VSIG10: variants seen among roughly 807,000 people sequenced by gnomAD.
VSIG10 encodes the protein V-set and immunoglobulin domain containing 10.
VSIG10 carries 48 observed loss-of-function variants against 58.7 expected under a neutral mutation model. The ratio of observed to expected loss-of-function variants is 0.82; its 90% CI spans 0.65 to 1.04. The LOEUF is 1.04. Among genes scored for constraint, VSIG10 ranks in the 50% least tolerant of loss-of-function variants. VSIG10 has a pLI of 0.00. For missense variants in VSIG10, 628 were observed against 670.0 expected (o/e 0.94, Z 0.69); for synonymous variants, 260 against 267.1 (o/e 0.97, Z 0.26).
At chr12:118,085,852 C>CA (rs1255347303) in intron 2 of VSIG10, among the ~76,000 whole-genome samples, 585 of 47,672 alleles carry the variant, frequency 0.012, 4 homozygotes, top group Non-Finnish European at 0.011. Flanking sequence ...GACTTCGTCT[C>CA]AAAAAAAAAA....
At chr12:118,102,162 GCAGT>G (rs2033638881) in intron 1 of VSIG10, 1 of 152,210 alleles carries the variant, frequency 6.6e-6, no homozygotes, top group African/African-American at 2.4e-5. Context: ...GGGGCGGGTG[GCAGT>G]CAGCCTGAAA....
chr12:118,079,705 A>C, intron 3 of VSIG10, 99 bp from the exon 4 acceptor site: 1 of 1,499,198 alleles, frequency 6.7e-7, no homozygotes, highest in East Asian at 2.3e-5. Flanking sequence ...TCAGAGGGAC[A>C]TCAACCCCAG....
chr12:118,069,497 C>T (rs2032397852), intron 7 of VSIG10, among the ~76,000 whole-genome samples: 1 of 144,628 alleles, frequency 6.9e-6, no homozygotes. Flanking sequence ...ACAATCATGG[C>T]TCACCGCAAC....
chr12:118,071,496 TC>T (rs1239069991), intron 5 of VSIG10, 27 bp from the exon 6 acceptor site: 1 of 1,594,902 alleles, frequency 6.3e-7, no homozygotes, highest in Non-Finnish European at 8.6e-7. Flanking sequence ...CACCATTGAT[TC>T]TTCCATCAGA....
At chr12:118,092,160 C>T (rs941413643) in intron 2 of VSIG10, among the ~76,000 whole-genome samples, 6 of 152,094 alleles carry the variant, frequency 3.9e-5, no homozygotes, top group South Asian at 2.1e-4. Context: ...CCAGCTCAAG[C>T]GATCCTCCCC....
In VSIG10 at chr12:118,071,474, A is replaced by G. The variant is rs2032491559; in HGVS notation, c.1220-5T>C. On this transcript the variant is annotated splice_polypyrimidine_tract_variant and splice_region_variant and intron_variant, in intron 5 of 8. Transcript: ENST00000359236. ...TCCCCCCGATATTTAAAGGTTCTGT[A>G]AAGACAAATCACACCATTGATTCTT... 6.2e-7 allele frequency: 1 copy of G among 1,612,446 alleles called. No homozygotes were observed. Among genetic ancestry groups the G allele is most frequent in the African/African-American group, 1.3e-5 (1 of 74,884 alleles).
At chr12:118,094,994 C>T (rs1000189663) in intron 2 of VSIG10, among the ~76,000 whole-genome samples, 2 of 152,026 alleles carry the variant, frequency 1.3e-5, no homozygotes, top group Non-Finnish European at 2.9e-5. Context: ...ACCTCCGCCT[C>T]CCAGGTTCAA....
chr12:118,079,100 A>G (rs1012558744), intron 4 of VSIG10, among the ~76,000 whole-genome samples: 2 of 152,170 alleles, frequency 1.3e-5, no homozygotes, highest in Admixed American at 6.6e-5. Flanking sequence ...TACCTGGCAC[A>G]TAGCAGGGGT....
intron 2 of VSIG10, among the ~76,000 whole-genome samples, chr12:118,091,309 G>T (rs932958234): frequency 6.6e-6 from 1 of 151,962 alleles, no homozygotes; most frequent in African/African-American, 2.4e-5. Flanking sequence ...TGGCTAACAT[G>T]GTGAAACCCC....
chr12:118,096,124 C>T (rs1251720746), intron 1 of VSIG10, among the ~76,000 whole-genome samples: 1 of 151,820 alleles, frequency 6.6e-6, no homozygotes, highest in Non-Finnish European at 1.5e-5. Context: ...CAGGGTTTCA[C>T]CACCACATTG....
rs7308222 is a variant in VSIG10 at position 118,071,343 on chromosome 12, C to T, written c.1330+16G>A. ...AAAGTCTGGAAGAGAAGCTAAAGGA[C>T]CCAGGGAGTCCTTACCTTTCCAGCA... On this transcript the variant is annotated intron_variant, in intron 6 of 8. Transcript: ENST00000359236. 0.48 allele frequency: 767,529 copies of T among 1,606,164 alleles called. 193,184 individuals carry two copies. Among genetic ancestry groups the T allele is most frequent in the East Asian group, 0.91 (40,615 of 44,756 alleles).
chr12:118,070,928 G>T, intron 7 of VSIG10, 124 bp downstream of exon 7: 1 of 1,158,418 alleles, frequency 8.6e-7, no homozygotes, highest in Non-Finnish European at 1.3e-6. Flanking sequence ...CTAGGCCAGT[G>T]TCTAGCACAT....
intron 2 of VSIG10, among the ~76,000 whole-genome samples, chr12:118,085,852 CAA>C (rs1255347303): frequency 3.6e-4 from 17 of 47,852 alleles, no homozygotes; most frequent in Non-Finnish European, 3.0e-4. Flanking sequence ...GACTTCGTCT[CAA>C]AAAAAAAAAA....
At chr12:118,078,694 C>G (rs1427041395) in intron 4 of VSIG10, among the ~76,000 whole-genome samples, 1 of 151,852 alleles carries the variant, frequency 6.6e-6, no homozygotes, top group East Asian at 1.9e-4. Context: ...ATAATCCCAG[C>G]ACTTTAGGAG....
chr12:118,092,542 G>C (rs2033327929), intron 2 of VSIG10, among the ~76,000 whole-genome samples: 1 of 152,138 alleles, frequency 6.6e-6, no homozygotes, highest in Admixed American at 6.6e-5. Context: ...AACAAAGGTA[G>C]AGATAATATG....
intron 2 of VSIG10, among the ~76,000 whole-genome samples, chr12:118,094,577 T>G (rs998117920): frequency 1.3e-5 from 2 of 151,188 alleles, no homozygotes; most frequent in Non-Finnish European, 2.9e-5. Context: ...AGAGATGGGG[T>G]TTCACCATGT....
intron 2 of VSIG10, among the ~76,000 whole-genome samples, chr12:118,091,569 C>G (rs926233687): frequency 1.6e-4 from 24 of 152,202 alleles, no homozygotes; most frequent in African/African-American, 5.3e-4. Flanking sequence ...CTGCTCACTC[C>G]TCAAGGGCAG....
intron 7 of VSIG10, among the ~76,000 whole-genome samples, chr12:118,070,314 G>A (rs1349625185): frequency 1.3e-5 from 2 of 152,100 alleles, no homozygotes; most frequent in Non-Finnish European, 2.9e-5. Context: ...TTGGGAGGCC[G>A]AGGCGGGCAG....
intron 1 of VSIG10, among the ~76,000 whole-genome samples, chr12:118,096,971 G>A (rs1396907956): frequency 2.0e-5 from 3 of 151,610 alleles, no homozygotes; most frequent in Non-Finnish European, 2.9e-5. Flanking sequence ...CCCAGGAGGT[G>A]GAGGTTGCGG....
Sources: allele counts gnomAD v4.1 joint callset (sites outside exome capture counted in the v4.1 genomes callset), GRCh38; gene constraint gnomAD v4.1.1; transcripts MANE v1.5; gene names NCBI Gene and HGNC (gene_info 2026-07-23, HGNC 2026-07-21).